AQR: variants seen among roughly 807,000 people sequenced by gnomAD.
AQR encodes the protein aquarius intron-binding spliceosomal factor.
AQR carries 61 observed loss-of-function variants against 180.5 expected under a neutral mutation model. The observed-to-expected ratio is 0.34, with a 90% CI of 0.28 to 0.42. AQR has a LOEUF of 0.42. Ranked by LOEUF, AQR falls within the 10% of genes least tolerant of loss-of-function variation. The pLI is 1.00. For synonymous variants in AQR, 551 were observed against 588.8 expected, an observed-to-expected ratio of 0.94 and a Z score of 0.93; for missense variants, 1,281 against 1,798.3, an observed-to-expected ratio of 0.71 and a Z score of 5.20.
chr15:34,878,233 T>C (rs896187956), intron 27 of AQR, among the ~76,000 whole-genome samples: 1 of 150,444 alleles, frequency 6.6e-6, no homozygotes, highest in East Asian at 2.0e-4. Flanking sequence ...AAAAATACAG[T>C]AAGTTGGTTG....
chr15:34,866,284 T>G (rs1216042715), intron 32 of AQR, among the ~76,000 whole-genome samples: 1 of 152,150 alleles, frequency 6.6e-6, no homozygotes, highest in Non-Finnish European at 1.5e-5. Flanking sequence ...ATCCCTTCTA[T>G]GCACAACCAC....
chr15:34,858,416 A>G (rs1892622643), intron 34 of AQR, among the ~76,000 whole-genome samples: 1 of 152,156 alleles, frequency 6.6e-6, no homozygotes, highest in South Asian at 2.1e-4. Flanking sequence ...AAACTACAAA[A>G]TCCTGATGAG....
At position 34,856,898 on chromosome 15, in the gene AQR, A is replaced by G. The variant is rs1892593469; in HGVS notation, c.4352T>C (p.Ile1451Thr). The part of the protein sequence containing the change: ...ETGATSTPEA[I>T]PALSETTPTV... ...AGGGGTGGTCTCAGATAAAGCAGGGATGGCTTCTGGAGTGGAAGTGGCTCC... is the reference window on the plus strand; with the variant it reads ...AGGGGTGGTCTCAGATAAAGCAGGGGTGGCTTCTGGAGTGGAAGTGGCTCC... Residue 1451 changes from isoleucine (I) to threonine (T), a missense_variant, in exon 35 of 35, where the codon ATC becomes ACC. Around this residue, in one of 9 missense-constraint regions of AQR, gnomAD observed 182 missense variants for 185.3 expected, o/e 0.98. Coordinates refer to ENST00000156471, the MANE Select transcript of AQR (RefSeq NM_014691.3). The G allele has an allele frequency of 6.2e-7, 1 of 1,613,952 alleles. No homozygotes were observed. Among genetic ancestry groups the G allele is most frequent in the Non-Finnish European group, 8.5e-7 (1 of 1,179,950 alleles).
chr15:34,955,847 T>G (rs1894305667), intron 3 of AQR, among the ~76,000 whole-genome samples: 1 of 148,950 alleles, frequency 6.7e-6, no homozygotes, highest in Non-Finnish European at 1.5e-5. Context: ...AGGCGGAGGT[T>G]GCAGTGAGCC....
chr15:34,945,448 C>A (rs1246631864), intron 5 of AQR, among the ~76,000 whole-genome samples: 2 of 152,234 alleles, frequency 1.3e-5, no homozygotes, highest in South Asian at 4.1e-4. Context: ...CTACCTTCTA[C>A]ATCTCTGTAT....
chr15:34,963,651 T>C (rs2050293309), intron 2 of AQR, among the ~76,000 whole-genome samples: 1 of 141,990 alleles, frequency 7.0e-6, no homozygotes, highest in Non-Finnish European at 1.5e-5. Flanking sequence ...AAGTAAATTA[T>C]ACACGTACAC....
chr15:34,884,448 TCA>T (rs1447090459), intron 26 of AQR, 75 bp downstream of exon 26: 27 of 1,229,356 alleles, frequency 2.2e-5, no homozygotes, highest in Admixed American at 1.8e-4. Flanking sequence ...TTTGAATATT[TCA>T]CATTTACTTC....
At chr15:34,955,908 CAAA>C (rs71119992) in intron 3 of AQR, among the ~76,000 whole-genome samples, 4 of 68,246 alleles carry the variant, frequency 5.9e-5, no homozygotes, top group Admixed American at 1.6e-4. Flanking sequence ...AACTCCATCT[CAAA>C]AAAAAAAAAA....
intron 4 of AQR, among the ~76,000 whole-genome samples, chr15:34,949,304 T>C (rs549879992): frequency 1.2e-3 from 175 of 151,870 alleles, no homozygotes; most frequent in Admixed American, 1.8e-3. Context: ...CCTTTAACTT[T>C]AAGGCTCTTC....
In AQR at chr15:34,856,566, ATGAAAGGAATGGTTATT is replaced by A. The variant is rs2140454837; in HGVS notation, c.*209_*225del. ...TACAGACACACTCAGTGATCAAAAC[ATGAAAGGAATGGTTATT>A]TGCTCTTCTGATTGAACAAATGAAA... On this transcript the variant is annotated 3_prime_UTR_variant, in exon 35 of 35. Coordinates refer to ENST00000156471, the MANE Select transcript of AQR (RefSeq NM_014691.3). 2.2e-6 allele frequency: 1 copy of A among 445,222 alleles called. No homozygotes were observed. Among genetic ancestry groups the A allele is most frequent in the South Asian group, 7.1e-5 (1 of 14,134 alleles). 27.6% of individuals were successfully genotyped at this position (445,222 alleles called of 1,614,324 possible).
Position 34,890,283 on chromosome 15 carries a change from A to G in AQR, c.2613T>C (p.Ile871=). 1 of 1,613,792 alleles carries G rather than the reference A, an allele frequency of 6.2e-7. No homozygotes were observed. Residue 871 remains isoleucine (I), a synonymous_variant, in exon 24 of 35, where the codon ATT becomes ATC. Transcript: ENST00000156471. ...QLFEKIMALD[I]DERHLLRLGH... ...CAAGACGCAGTAGGTGGCGCTCATC[A>G]ATGTCTAATGCCATGATTTTCTCAA...
At chr15:34,893,607 G>GCGCACA (rs1555423809) in intron 23 of AQR, 56 bp downstream of exon 23, 6 of 999,570 alleles carry the variant, frequency 6.0e-6, no homozygotes, top group East Asian at 5.7e-5. Flanking sequence ...GCGCATGCGT[G>GCGCACA]CACACACACA....
chr15:34,879,160 T>C (rs1892931210), intron 27 of AQR, among the ~76,000 whole-genome samples: 1 of 152,184 alleles, frequency 6.6e-6, no homozygotes, highest in Non-Finnish European at 1.5e-5. Context: ...CTTGACATTA[T>C]ATAGTGAAAT....
At chr15:34,875,039 A>T (rs1892871872) in intron 28 of AQR, among the ~76,000 whole-genome samples, 175 bp from the exon 29 acceptor site, 1 of 152,126 alleles carries the variant, frequency 6.6e-6, no homozygotes, top group Admixed American at 6.5e-5. Context: ...TGAACCAATT[A>T]TGGACGTTAT....
At chr15:34,925,828 G>T (rs889911369) in intron 13 of AQR, among the ~76,000 whole-genome samples, 1 of 150,390 alleles carries the variant, frequency 6.6e-6, no homozygotes, top group Non-Finnish European at 1.5e-5. Flanking sequence ...GCAAGACTCC[G>T]TCTCAAAAAA....
At position 34,906,667 on chromosome 15, in the gene AQR, G is replaced by T; in HGVS notation, c.1709C>A (p.Thr570Lys). The T allele has an allele frequency of 6.2e-7, 1 of 1,614,040 alleles. No individual in the cohort carries two copies. Among genetic ancestry groups the T allele is most frequent in the South Asian group, 1.1e-5 (1 of 91,078 alleles). Reference sequence around the variant, plus strand: ...GTCAAACTTAGTGCCATAAGGTTTTGTGGGACGTACGGTAATTAAAAAGCA... The same window carrying T: ...GTCAAACTTAGTGCCATAAGGTTTTTTGGGACGTACGGTAATTAAAAAGCA... ...DVCFLITVRPTKPYGTKFDRR... is the reference protein window; with the variant it reads ...DVCFLITVRPKKPYGTKFDRR... Residue 570 changes from threonine (T) to lysine (K), a missense_variant, in exon 18 of 35, where the codon ACA becomes AAA. By Grantham distance (78) the Thr-to-Lys change is moderately conservative. Coordinates refer to ENST00000156471, the MANE Select transcript of AQR (RefSeq NM_014691.3).
Position 34,910,290 on chromosome 15 carries a change from A to G in AQR, c.1508T>C (p.Val503Ala), listed in dbSNP as rs1331431493. The G allele has an allele frequency of 5.6e-6, 9 of 1,613,712 alleles. No individual in the cohort carries two copies. Among genetic ancestry groups the G allele is most frequent in the East Asian group, 4.5e-5 (2 of 44,848 alleles). The change falls in exon 17 of 35, where the codon GTG (valine) becomes GCG (alanine). Residue 503 changes from valine to alanine, a missense_variant. By Grantham distance (64) the Val-to-Ala change is moderately conservative. Transcript: ENST00000156471. ...GGCCATTCGCGCCCAACCACCAAACACTACACCGCCATATTCAGATTGCCT... is the reference window on the plus strand; with the variant it reads ...GGCCATTCGCGCCCAACCACCAAACGCTACACCGCCATATTCAGATTGCCT... ...KPWQSEYGGV[V>A]FGGWARMAQP...
intron 29 of AQR, chr15:34,874,446 T>G (rs1892864263): frequency 2.0e-6 from 1 of 489,220 alleles, no homozygotes; most frequent in Non-Finnish European, 3.6e-6. Context: ...AAAGAAGCCT[T>G]TAGATTATAA....
rs950402326 is a variant in AQR at position 34,959,086 on chromosome 15, G to A, written c.173+1688C>T. ...AGAATGTAAGCTCCAGGAGAGCAGG[G>A]ATCGTATCTCCCCTCTTTTCTGTTG... On this transcript the variant is annotated intron_variant, in intron 3 of 34. Transcript: ENST00000156471. Among the ~76,000 whole-genome samples, 3 of 152,286 alleles carry A rather than the reference G, an allele frequency of 2.0e-5. No individual in the cohort carries two copies. The East Asian group carries it at 5.8e-4, about 29-fold the overall frequency.
Sources: gnomAD v4.1 joint callset for allele counts (sites outside exome capture counted in the v4.1 genomes callset) on GRCh38, gnomAD v4.1.1 for gene constraint, gnomAD v4.1.1 regional missense constraint, MANE v1.5 for transcripts, NCBI Gene and HGNC (gene_info 2026-07-23, HGNC 2026-07-21) for gene names.